UNC13B: variants seen among roughly 807,000 people sequenced by gnomAD.
UNC13B encodes protein unc-13 homolog B.
UNC13B carries 144 observed loss-of-function variants against 211.0 expected under a neutral mutation model. The ratio of observed to expected loss-of-function variants is 0.68; its 90% CI spans 0.60 to 0.78. The LOEUF is 0.78. UNC13B is among the 30% of genes least tolerant of loss of function. The pLI is 0.00. For missense variants in UNC13B, 1,777 were observed against 2,002.0 expected (o/e 0.89, Z 2.14); for synonymous variants, 709 against 725.8 (o/e 0.98, Z 0.37).
chr9:35,336,240 A>G (rs1831648400), intron 11 of UNC13B, among the ~76,000 whole-genome samples: 1 of 151,998 alleles, frequency 6.6e-6, no homozygotes, highest in African/African-American at 2.4e-5. Flanking sequence ...CACTTCATAC[A>G]ATGTGTTCAA....
rs546365356 is a variant in UNC13B at position 35,403,529 on chromosome 9, A to G, written c.12667A>G (p.Lys4223Glu). Residue 4223 changes from lysine (K) to glutamate (E), a missense_variant, in exon 39 of 40, where the codon AAG (lysine) becomes GAG (glutamate). Physicochemically the swap from Lys to Glu is moderately conservative, Grantham distance 56. Coordinates refer to ENST00000635942, the MANE Select transcript of UNC13B (RefSeq NM_001371189.2). ...TATGGTTGGCCCACACCAAAGTGATAAGAAGAGGAAGTTCACAACCAAATC... is the reference window on the plus strand; with the variant it reads ...TATGGTTGGCCCACACCAAAGTGATGAGAAGAGGAAGTTCACAACCAAATC... ...VTMVGPHQSDKKRKFTTKSKS... is the reference protein window; with the variant it reads ...VTMVGPHQSDEKRKFTTKSKS... 1.9e-6 allele frequency: 3 copies of G among 1,613,942 alleles called. No individual in the cohort carries two copies. The highest frequency in any genetic ancestry group is 2.2e-5 in the East Asian group (1 of 44,866).
At position 35,400,433 on chromosome 9, in the gene UNC13B, G is replaced by A. The variant is rs1422886560; in HGVS notation, c.12474G>A (p.Gln4158=). 17 of 1,613,142 alleles carry A rather than the reference G, an allele frequency of 1.1e-5. No homozygotes were observed. The highest frequency in any genetic ancestry group is 1.3e-5 in the Non-Finnish European group (15 of 1,179,590). The change falls in exon 37 of 40, where the codon CAG becomes CAA. Residue 4158 remains glutamine (Q), a synonymous_variant. Transcript: ENST00000635942. ...DTLIKTFVRS[Q]TTQGSGVDDP... ...TCATCAAGACCTTTGTGCGCTCGCA[G>A]ACCACCCAAGGTAAGGCCCTGAGGG...
intron 3 of UNC13B, among the ~76,000 whole-genome samples, chr9:35,231,768 G>A (rs571242481): frequency 2.0e-4 from 31 of 152,220 alleles, no homozygotes; most frequent in Admixed American, 8.5e-4. Context: ...AATTTCTCGT[G>A]TATGACAAAG....
At position 35,314,260 on chromosome 9, in the gene UNC13B, C is replaced by T. The variant is rs933038553; in HGVS notation, c.9414+271C>T. Reference sequence around the variant, plus strand: ...GTACTGTTCATTGTCTCTTTGAAGCCGTTTGAGTTTAGGGCGAGTTTAGGG... The same window carrying T: ...GTACTGTTCATTGTCTCTTTGAAGCTGTTTGAGTTTAGGGCGAGTTTAGGG... On this transcript the variant is annotated intron_variant, in intron 11 of 39. Coordinates refer to ENST00000635942, the MANE Select transcript of UNC13B (RefSeq NM_001371189.2). Among the ~76,000 whole-genome samples, 10 of 152,144 alleles carry T rather than the reference C, an allele frequency of 6.6e-5. No individual in the cohort carries two copies. In the East Asian group the frequency reaches 1.5e-3, roughly 24 times the overall value.
intron 1 of UNC13B, among the ~76,000 whole-genome samples, chr9:35,209,935 A>G (rs1017394083): frequency 3.3e-5 from 5 of 152,268 alleles, no homozygotes; most frequent in African/African-American, 1.2e-4. Context: ...TTTTAAGCAC[A>G]CGGCAATAAG....
intron 1 of UNC13B, among the ~76,000 whole-genome samples, chr9:35,186,825 G>A (rs999109874): frequency 1.3e-5 from 2 of 152,002 alleles, no homozygotes; most frequent in Non-Finnish European, 2.9e-5. Context: ...GCTCCTTACT[G>A]TACATGTGGC....
At chr9:35,250,943 TAG>T (rs1826430037) in intron 6 of UNC13B, among the ~76,000 whole-genome samples, 2 of 150,286 alleles carry the variant, frequency 1.3e-5, no homozygotes, top group South Asian at 4.2e-4. Flanking sequence ...TGAAAAAATG[TAG>T]AGTTACTCTT....
At chr9:35,228,881 T>A (rs2131493471) in intron 2 of UNC13B, among the ~76,000 whole-genome samples, 1 of 152,252 alleles carries the variant, frequency 6.6e-6, no homozygotes, top group East Asian at 1.9e-4. Flanking sequence ...CTATTACAAA[T>A]AATAAATGTT....
rs758482555 is a variant in UNC13B at position 35,384,224 on chromosome 9, T to G, written c.10807-22T>G. 6.2e-6 allele frequency: 10 copies of G among 1,613,856 alleles called. No individual in the cohort carries two copies. In the East Asian group the frequency reaches 2.2e-4, roughly 36 times the overall value. On this transcript the variant is annotated intron_variant, in intron 21 of 39. Coordinates refer to ENST00000635942, the MANE Select transcript of UNC13B (RefSeq NM_001371189.2). ...GACACAGGTTCTCTTTTTCTTCCCC[T>G]TTATTTGTTTCTCACCCTCAGAAAG...
At position 35,301,206 on chromosome 9, in the gene UNC13B, C is replaced by A. The variant is rs1829664058; in HGVS notation, c.1802C>A (p.Ser601Tyr). Residue 601 changes from serine to tyrosine, a missense_variant, in exon 9 of 40, where the codon TCC becomes TAC. Physicochemically the swap from Ser to Tyr is moderately radical, Grantham distance 144 (BLOSUM62 -2). Coordinates refer to ENST00000635942, the MANE Select transcript of UNC13B (RefSeq NM_001371189.2). ...GATCTTTCCATGCAATCTCCATTATCCTCTCAAAAAGATGATAATGTGAAT... is the reference window on the plus strand; with the variant it reads ...GATCTTTCCATGCAATCTCCATTATACTCTCAAAAAGATGATAATGTGAAT... The part of the protein sequence containing the change: ...GKDLSMQSPL[S>Y]SQKDDNVNID... 1 of 398,840 alleles carries A rather than the reference C, an allele frequency of 2.5e-6. No individual in the cohort carries two copies. The highest frequency in any genetic ancestry group is 4.4e-6 in the Non-Finnish European group (1 of 225,958). The allele number at this position is 398,840 out of a possible 1,614,324, so 24.7% of individuals were successfully genotyped here.
In UNC13B at chr9:35,376,238, T is replaced by A; in HGVS notation, c.9826T>A (p.Cys3276Ser). 6.2e-7 allele frequency: 1 copy of A among 1,613,622 alleles called. No homozygotes were observed. The highest frequency in any genetic ancestry group is 2.2e-5 in the East Asian group (1 of 44,880). Residue 3276 changes from cysteine to serine, a missense_variant, in exon 15 of 40, where the codon TGC (cysteine) becomes AGC (serine). Coordinates refer to ENST00000635942, the MANE Select transcript of UNC13B (RefSeq NM_001371189.2). ...EKCQDLLNAD[C>S]LQRAAEKSCK... ...GTGCCAGGATCTGCTCAATGCTGACTGCCTGCAGCGTGAGTGCCCTGCGGG... is the reference window on the plus strand; with the variant it reads ...GTGCCAGGATCTGCTCAATGCTGACAGCCTGCAGCGTGAGTGCCCTGCGGG...
At chr9:35,184,039 CG>C (rs1822182415) in intron 1 of UNC13B, among the ~76,000 whole-genome samples, 1 of 145,042 alleles carries the variant, frequency 6.9e-6, no homozygotes, top group African/African-American at 2.6e-5. Context: ...CCGGACGTGG[CG>C]GTCAGGCAGA....
Position 35,295,814 on chromosome 9 carries a change from G to T in UNC13B, c.645G>T (p.Gln215His). 1 of 1,614,158 alleles carries T rather than the reference G, an allele frequency of 6.2e-7. No homozygotes were observed. The highest frequency in any genetic ancestry group is 8.5e-7 in the Non-Finnish European group (1 of 1,180,030). Residue 215 changes from glutamine (Q) to histidine (H), a missense_variant, in exon 8 of 40, where the codon CAG becomes CAT. By Grantham distance (24) the Gln-to-His change is conservative. Coordinates refer to ENST00000635942, the MANE Select transcript of UNC13B (RefSeq NM_001371189.2). Reference protein sequence around the residue: ...TASQPNASVHQFPVPVRSPQQ... With the variant: ...TASQPNASVHHFPVPVRSPQQ... ...CCCAGCCCAACGCTTCTGTGCACCA[G>T]TTCCCTGTGCCGGTGCGATCGCCAC...
intron 1 of UNC13B, among the ~76,000 whole-genome samples, chr9:35,178,950 C>T (rs1327926009): frequency 6.7e-6 from 1 of 148,996 alleles, no homozygotes; most frequent in East Asian, 2.0e-4. Context: ...AATACTGAAG[C>T]TAACATTTAA....
At chr9:35,270,917 G>T (rs1256372245) in intron 7 of UNC13B, among the ~76,000 whole-genome samples, 2 of 152,120 alleles carry the variant, frequency 1.3e-5, no homozygotes, top group Non-Finnish European at 2.9e-5. Context: ...GAGGCAGGTG[G>T]ATCACGAGGT....
At position 35,378,291 on chromosome 9, in the gene UNC13B, G is replaced by T. The variant is rs745858801; in HGVS notation, c.10064-4G>T. The T allele has an allele frequency of 1.2e-6, 2 of 1,614,170 alleles. No individual in the cohort carries two copies. Among genetic ancestry groups the T allele is most frequent in the South Asian group, 2.2e-5 (2 of 91,072 alleles). ...GAAGCCTCCTATACATGCTTGGGTT[G>T]CAGTGGTGTGTGCCCAGGGCCTACA... is the stretch of plus-strand genomic sequence containing the variant. On this transcript the variant is annotated splice_polypyrimidine_tract_variant and splice_region_variant and intron_variant, in intron 16 of 39. Coordinates refer to ENST00000635942, the MANE Select transcript of UNC13B (RefSeq NM_001371189.2).
intron 11 of UNC13B, among the ~76,000 whole-genome samples, chr9:35,365,769 C>T (rs1833732503): frequency 6.6e-6 from 1 of 152,170 alleles, no homozygotes; most frequent in African/African-American, 2.4e-5. Flanking sequence ...TATCATCCTA[C>T]CTATAGAAAG....
At chr9:35,271,373 A>G (rs1367264263) in intron 7 of UNC13B, among the ~76,000 whole-genome samples, 1 of 152,170 alleles carries the variant, frequency 6.6e-6, no homozygotes, top group Non-Finnish European at 1.5e-5. Flanking sequence ...GGCTTTTTGC[A>G]TGCTTGAGCC....
rs2132013094 is a variant in UNC13B at position 35,341,349 on chromosome 9, G to A, written c.9415-25598G>A. ...GAATAGATGTCTACTCCAAGAACAT[G>A]GCACTGTTTGATTTTAACTGCACTT... is the stretch of plus-strand genomic sequence containing the variant. On this transcript the variant is annotated intron_variant, in intron 11 of 39. Transcript: ENST00000635942. 1.3e-5 allele frequency among the ~76,000 whole-genome samples: 2 copies of A among 152,312 alleles called. 1 individual carries two copies. The highest frequency in any genetic ancestry group is 4.2e-4 in the South Asian group (2 of 4,818).
Sources: allele counts gnomAD v4.1 joint callset (sites outside exome capture counted in the v4.1 genomes callset), GRCh38; gene constraint gnomAD v4.1.1; transcripts MANE v1.5; gene names NCBI Gene and HGNC (gene_info 2026-07-23, HGNC 2026-07-21).